Variants in CAMTA1 observed in about 807,000 individuals in gnomAD.
CAMTA1 encodes the protein calmodulin binding transcription activator 1, also known as calmodulin-binding transcription activator 1.
In CAMTA1, 27 loss-of-function variants were observed where a neutral mutation model predicts 170.9. The ratio of observed to expected loss-of-function variants is 0.16; its 90% CI spans 0.12 to 0.22. CAMTA1 has a LOEUF of 0.22. Among genes scored for constraint, CAMTA1 ranks in the 10% least tolerant of loss-of-function variants. The pLI, the probability that CAMTA1 is intolerant of heterozygous loss-of-function variation, is 1.00. For missense variants in CAMTA1, 1,619 were observed against 2,217.2 expected, an observed-to-expected ratio of 0.73 and a Z score of 5.42; for synonymous variants, 833 against 891.5, an observed-to-expected ratio of 0.93 and a Z score of 1.17.
intron 6 of CAMTA1, among the ~76,000 whole-genome samples, chr1:7,629,909 T>C (rs1288692672): frequency 6.6e-6 from 1 of 150,724 alleles, no homozygotes; most frequent in African/African-American, 2.4e-5. Context: ...CCAGCCTCCG[T>C]TGCCAATTTG....
At chr1:7,500,427 GTT>G (rs570861849) in intron 6 of CAMTA1, among the ~76,000 whole-genome samples, 2 of 151,386 alleles carry the variant, frequency 1.3e-5, no homozygotes, top group Non-Finnish European at 2.9e-5. Flanking sequence ...GTGTGAGCCT[GTT>G]GTGTGTGTGT....
intron 6 of CAMTA1, among the ~76,000 whole-genome samples, chr1:7,468,938 C>T (rs1344443691): frequency 1.3e-5 from 2 of 152,200 alleles, no homozygotes. Flanking sequence ...AGGCTGATGG[C>T]CACAGGAGAG....
chr1:7,330,870 G>A (rs555901333), intron 5 of CAMTA1, among the ~76,000 whole-genome samples: 79 of 152,306 alleles, frequency 5.2e-4, no homozygotes, highest in Non-Finnish European at 9.7e-4. Flanking sequence ...AGCAGGCAGG[G>A]CTGGCCTCAT....
intron 9 of CAMTA1, among the ~76,000 whole-genome samples, chr1:7,669,688 A>C (rs4908674): frequency 0.99 from 150,929 of 152,342 alleles, 74,785 homozygotes; most frequent in Middle Eastern, 1. Flanking sequence ...TCTCCGCCCC[A>C]CTGCAGGGAA....
intron 6 of CAMTA1, among the ~76,000 whole-genome samples, chr1:7,472,792 G>T (rs2093355881): frequency 6.6e-6 from 1 of 152,168 alleles, no homozygotes; most frequent in South Asian, 2.1e-4. Context: ...AGCACCACAG[G>T]CATTGTGGCC....
chr1:7,118,868 A>T (rs1322473588), intron 4 of CAMTA1, among the ~76,000 whole-genome samples: 1 of 152,230 alleles, frequency 6.6e-6, no homozygotes, highest in Non-Finnish European at 1.5e-5. Flanking sequence ...AGAGGCTCCG[A>T]ATACAAACCC....
rs77340732 is a variant in CAMTA1 at position 7,454,668 on chromosome 1, C to T, written c.439-13162C>T. Among the ~76,000 whole-genome samples, 198 of 152,134 alleles carry T rather than the reference C, an allele frequency of 1.3e-3. 7 individuals carry two copies. The East Asian group carries it at 0.036, about 27-fold the overall frequency. On this transcript the variant is annotated intron_variant, in intron 5 of 22. Transcript: ENST00000303635. ...CAGGGAGGATAGGAAGGGGCCTCTA[C>T]CCCCGCTTCGTCCTACTCAGCTCTC... is the stretch of plus-strand genomic sequence containing the variant.
chr1:7,061,337 G>T (rs7414485), intron 3 of CAMTA1, among the ~76,000 whole-genome samples: 1 of 152,042 alleles, frequency 6.6e-6, no homozygotes, highest in Admixed American at 6.5e-5. Flanking sequence ...CCTGCTGGTC[G>T]CCAGCGCGCA....
chr1:7,721,187 G>T (rs2096647447), intron 11 of CAMTA1, among the ~76,000 whole-genome samples: 1 of 152,114 alleles, frequency 6.6e-6, no homozygotes, highest in South Asian at 2.1e-4. Flanking sequence ...CCCTTCATTG[G>T]CTCAGTACTG....
rs1390680486 is a variant in CAMTA1 at position 7,633,686 on chromosome 1, C to T, written c.511-6714C>T. 6.6e-6 allele frequency among the ~76,000 whole-genome samples: 1 copy of T among 152,222 alleles called. No homozygotes were observed. Among genetic ancestry groups the T allele is most frequent in the Non-Finnish European group, 1.5e-5 (1 of 68,048 alleles). ...GCTTGGCGGCACCCCGCTATGCCCCCGGTTTTCAGTAAGTAGGATGGAGCC... is the reference window on the plus strand; with the variant it reads ...GCTTGGCGGCACCCCGCTATGCCCCTGGTTTTCAGTAAGTAGGATGGAGCC... On this transcript the variant is annotated intron_variant, in intron 6 of 22. Transcript: ENST00000303635. The surrounding 1 kb of genome is among the most constrained non-coding windows in gnomAD (Gnocchi z 4.1).
At chr1:7,579,629 G>T (rs1038542936) in intron 6 of CAMTA1, among the ~76,000 whole-genome samples, 2 of 137,010 alleles carry the variant, frequency 1.5e-5, no homozygotes, top group African/African-American at 5.6e-5. Flanking sequence ...GCACAATCTC[G>T]GCTCACTGCA....
intron 6 of CAMTA1, among the ~76,000 whole-genome samples, chr1:7,535,829 G>C (rs986290729): frequency 1.3e-5 from 2 of 152,192 alleles, no homozygotes; most frequent in Non-Finnish European, 2.9e-5. Flanking sequence ...CTTTCAAAGA[G>C]GCTTCTACCC....
At chr1:7,048,531 C>T (rs900937318) in intron 3 of CAMTA1, among the ~76,000 whole-genome samples, 2 of 152,238 alleles carry the variant, frequency 1.3e-5, no homozygotes, top group African/African-American at 4.8e-5. Flanking sequence ...GCCCTAATCT[C>T]AGCCTTTGCC....
chr1:7,019,607 C>T (rs183019409), intron 3 of CAMTA1, among the ~76,000 whole-genome samples: 16 of 152,282 alleles, frequency 1.1e-4, no homozygotes, highest in African/African-American at 2.6e-4. Context: ...GCTTTAGAAT[C>T]GTTAGAGGAC....
chr1:7,647,860 G>A (rs1315940021), intron 7 of CAMTA1, among the ~76,000 whole-genome samples: 1 of 152,230 alleles, frequency 6.6e-6, no homozygotes, highest in East Asian at 1.9e-4. Context: ...GAGGCAGGAG[G>A]GTTACTTGAG....
chr1:7,241,569 T>C (rs1664861787), intron 4 of CAMTA1, among the ~76,000 whole-genome samples: 1 of 152,156 alleles, frequency 6.6e-6, no homozygotes, highest in Non-Finnish European at 1.5e-5. Context: ...GCTGCTACAA[T>C]CAAGATAGAT....
rs920740532 is a variant in CAMTA1, at chr1:7,391,006, G to GT, written c.439-76813dup. On this transcript the variant is annotated intron_variant, in intron 5 of 22. Coordinates refer to ENST00000303635, the MANE Select transcript of CAMTA1 (RefSeq NM_015215.4). ...TAGTGCTCCGAGAATCTGGGTTGTT[G>GT]TTTTTTTTTTTATGGAGTTTTGCTC... Among the ~76,000 whole-genome samples, 455 of 146,142 alleles carry GT rather than the reference G, an allele frequency of 3.1e-3. 1 individual carries two copies. The highest frequency in any genetic ancestry group is 3.0e-3 in the Admixed American group (44 of 14,636).
intron 19 of CAMTA1, 141 bp from the exon 20 acceptor site, chr1:7,751,058 T>A (rs1482176432): frequency 6.5e-6 from 5 of 775,050 alleles, no homozygotes; most frequent in Non-Finnish European, 1.1e-5. Context: ...TTTGCCTCTT[T>A]TGTGATTAAA....
intron 3 of CAMTA1, among the ~76,000 whole-genome samples, chr1:6,830,386 C>T (rs375010444): frequency 1.3e-5 from 2 of 150,490 alleles, no homozygotes; most frequent in East Asian, 3.9e-4. Flanking sequence ...CTCTGTTACC[C>T]AGGCTGGAGT....
Sources: allele counts gnomAD v4.1 joint callset (sites outside exome capture counted in the v4.1 genomes callset), GRCh38; gene constraint gnomAD v4.1.1; non-coding constraint Gnocchi (gnomAD v3.1); transcripts MANE v1.5; gene names NCBI Gene and HGNC (gene_info 2026-07-23, HGNC 2026-07-21).